The following FER1L6 variants were observed in gnomAD, a reference collection of about 807,000 sequenced individuals.
FER1L6 encodes fer-1-like protein 6.
In FER1L6, 177 loss-of-function variants were observed where a neutral mutation model predicts 219.2. That is an observed-to-expected ratio of 0.81 (90% confidence interval 0.71 to 0.91). The LOEUF is 0.91. Ranked by LOEUF, FER1L6 falls within the 40% of genes least tolerant of loss-of-function variation. The pLI is 0.00. For missense variants in FER1L6, 2,153 were observed against 2,259.9 expected (o/e 0.95, Z 0.96); for synonymous variants, 768 against 824.3 (o/e 0.93, Z 1.17).
chr8:124,090,775 C>G (rs1028090410), intron 33 of FER1L6, among the ~76,000 whole-genome samples: 2 of 152,054 alleles, frequency 1.3e-5, no homozygotes, highest in East Asian at 3.8e-4. Flanking sequence ...AAAAACTTAT[C>G]ACTGATTAGA....
chr8:124,085,457 C>A (rs1364257209), intron 33 of FER1L6, among the ~76,000 whole-genome samples: 1 of 151,634 alleles, frequency 6.6e-6, no homozygotes, highest in African/African-American at 2.4e-5. Flanking sequence ...TTCTAAATTT[C>A]TTTCTTAATT....
In FER1L6 at chr8:124,118,850, G is replaced by A. The variant is rs1297690850; in HGVS notation, c.5296G>A (p.Val1766Ile). 2 of 1,613,770 alleles carry A rather than the reference G, an allele frequency of 1.2e-6. No individual in the cohort carries two copies. Among genetic ancestry groups the A allele is most frequent in the Non-Finnish European group, 1.7e-6 (2 of 1,179,932 alleles). The stretch of plus-strand genomic sequence containing the variant: ...GTTTTGCATCTTTTTGCAGGGCAAG[G>A]TTGAAGCTGAGTTCCACCTAGTTAC... ...FSKSKELTGKVEAEFHLVTAE... is the reference protein window; with the variant it reads ...FSKSKELTGKIEAEFHLVTAE... The change falls in exon 40 of 41, where the codon GTT (valine) becomes ATT (isoleucine). Residue 1766 changes from valine (V) to isoleucine (I), a missense_variant. Physicochemically the swap from Val to Ile is conservative, Grantham distance 29. Coordinates refer to ENST00000522917, the MANE Select transcript of FER1L6 (RefSeq NM_001039112.2).
At chr8:124,031,090 G>A (rs554603201) in intron 18 of FER1L6, among the ~76,000 whole-genome samples, 27 of 152,010 alleles carry the variant, frequency 1.8e-4, no homozygotes, top group Middle Eastern at 6.8e-3. Flanking sequence ...GAAATACCTT[G>A]CTGTGGTTGG....
At chr8:124,088,557 C>A (rs1004500782) in intron 33 of FER1L6, among the ~76,000 whole-genome samples, 3 of 151,904 alleles carry the variant, frequency 2.0e-5, no homozygotes, top group Admixed American at 6.6e-5. Flanking sequence ...GTCCTTTCGT[C>A]AAGCAGAAGC....
At chr8:124,067,852 G>A (rs964881557) in intron 28 of FER1L6, 46 bp downstream of exon 28, 20 of 1,528,792 alleles carry the variant, frequency 1.3e-5, no homozygotes, top group African/African-American at 2.7e-5. Context: ...TAGGGCCATC[G>A]TTACGAGAAA....
intron 1 of FER1L6, among the ~76,000 whole-genome samples, chr8:123,897,766 C>G (rs1812770452): frequency 6.6e-6 from 1 of 152,158 alleles, no homozygotes; most frequent in South Asian, 2.1e-4. Context: ...TTAACACTAA[C>G]TTTACTGATA....
chr8:124,061,774 A>G lies in FER1L6; in HGVS notation c.3148-78A>G, dbSNP rs73328390. ...GAATGGCAAGGCAGAGACAAGGGAG[A>G]CTGGATGCCCAGCTGGCTTTGGGTC... On this transcript the variant is annotated intron_variant, in intron 24 of 40. Transcript: ENST00000522917. 7,494 of 1,404,042 alleles carry G rather than the reference A, an allele frequency of 5.3e-3. 243 individuals carry two copies. In the African/African-American group the frequency reaches 0.079, roughly 15 times the overall value. 87.0% of individuals were successfully genotyped at this position (1,404,042 alleles called of 1,614,324 possible). A position where few individuals can be genotyped will look rare whatever the true frequency, so the allele number is the denominator to read the frequency against.
chr8:123,940,294 AGT>A (rs940912929), intron 1 of FER1L6, among the ~76,000 whole-genome samples: 3 of 152,044 alleles, frequency 2.0e-5, no homozygotes, highest in African/African-American at 7.2e-5. Context: ...CCTGTGTAGC[AGT>A]TCATGGTAAG....
chr8:123,943,709 C>T (rs967935228), intron 1 of FER1L6, among the ~76,000 whole-genome samples: 6 of 152,038 alleles, frequency 3.9e-5, no homozygotes, highest in African/African-American at 1.2e-4. Context: ...TTCTCATTAT[C>T]GAACTCTGTC....
Position 124,061,879 on chromosome 8 carries a change from C to A in FER1L6, c.3175C>A (p.Pro1059Thr). ...VELPENELLHPPLSICVVDWR... is the reference protein window; with the variant it reads ...VELPENELLHTPLSICVVDWR... ...ACTGCCTGAGAACGAGCTTCTGCAC[C>A]CGCCACTGAGCATCTGCGTGGTGGA... is the stretch of plus-strand genomic sequence containing the variant. The change falls in exon 25 of 41, where the codon CCG (proline) becomes ACG (threonine). Residue 1059 changes from proline (P) to threonine (T), a missense_variant. Pro to Thr is a conservative substitution (Grantham distance 38). Transcript: ENST00000522917. The A allele has an allele frequency of 6.2e-7, 1 of 1,613,964 alleles. No individual in the cohort carries two copies. Among genetic ancestry groups the A allele is most frequent in the Non-Finnish European group, 8.5e-7 (1 of 1,180,008 alleles).
intron 18 of FER1L6, among the ~76,000 whole-genome samples, chr8:124,034,922 C>T (rs771633983): frequency 1.8e-4 from 28 of 152,204 alleles, no homozygotes; most frequent in Non-Finnish European, 1.5e-5. Flanking sequence ...AAAACTGAGC[C>T]ATCACAGGCA....
intron 11 of FER1L6, 165 bp from the exon 12 acceptor site, chr8:123,985,903 C>T (rs1007449063): frequency 1.4e-5 from 8 of 577,086 alleles, no homozygotes; most frequent in Non-Finnish European, 2.5e-5. Flanking sequence ...TTTGCAGATC[C>T]TGATTCATAC....
At chr8:124,108,852 T>C (rs150860946) in intron 39 of FER1L6, among the ~76,000 whole-genome samples, 1 of 152,014 alleles carries the variant, frequency 6.6e-6, no homozygotes, top group African/African-American at 2.4e-5. Context: ...CATTCCAGCC[T>C]GGGCAACATA....
intron 1 of FER1L6, among the ~76,000 whole-genome samples, chr8:123,890,250 G>C (rs1340177622): frequency 1.3e-5 from 2 of 152,032 alleles, no homozygotes; most frequent in Non-Finnish European, 2.9e-5. Context: ...ATGTATAGTG[G>C]TATTGGTGGA....
At chr8:124,045,678 T>C in intron 20 of FER1L6, 89 bp from the exon 21 acceptor site, 1 of 1,384,368 alleles carries the variant, frequency 7.2e-7, no homozygotes, top group Non-Finnish European at 1.0e-6. Flanking sequence ...GTGTTCTCTT[T>C]CCCCTGTATA....
Position 124,035,460 on chromosome 8 carries a change from G to C in FER1L6, c.2464+6G>C. The C allele has an allele frequency of 6.2e-7, 1 of 1,610,276 alleles. No homozygotes were observed. Among genetic ancestry groups the C allele is most frequent in the Non-Finnish European group, 8.5e-7 (1 of 1,178,652 alleles). On this transcript the variant is annotated splice_donor_region_variant and intron_variant, in intron 19 of 40. Transcript: ENST00000522917. ...ATCTAACCTGCTCTACCAAGGTAGG[G>C]TCCCCACTGGGCAAAGAGGGTCATT...
chr8:123,958,831 C>T (rs1045640051), intron 2 of FER1L6, among the ~76,000 whole-genome samples: 4 of 151,418 alleles, frequency 2.6e-5, no homozygotes, highest in Non-Finnish European at 4.4e-5. Flanking sequence ...GCCCACTGGG[C>T]GATGGGCAGG....
At chr8:124,034,520 A>C (rs1046089051) in intron 18 of FER1L6, among the ~76,000 whole-genome samples, 7 of 152,248 alleles carry the variant, frequency 4.6e-5, no homozygotes, top group Non-Finnish European at 1.0e-4. Flanking sequence ...GTGCATACTA[A>C]TACTACCCCA....
At chr8:124,051,532 G>A (rs895383270) in intron 22 of FER1L6, among the ~76,000 whole-genome samples, 4 of 152,178 alleles carry the variant, frequency 2.6e-5, no homozygotes, top group African/African-American at 9.7e-5. Context: ...GCCTGGCATG[G>A]AATAAACACT....
Sources: allele counts gnomAD v4.1 joint callset (sites outside exome capture counted in the v4.1 genomes callset), GRCh38; gene constraint gnomAD v4.1.1; transcripts MANE v1.5; gene names NCBI Gene and HGNC (gene_info 2026-07-23, HGNC 2026-07-21).